Variants in ATAD3B observed in about 807,000 individuals in gnomAD.
ATAD3B encodes the protein ATPase family AAA domain containing 3B, also known as ATPase family AAA domain-containing protein 3B.
ATAD3B carries 59 observed loss-of-function variants against 70.2 expected under a neutral mutation model. The observed-to-expected ratio is 0.84, with a 90% CI of 0.68 to 1.04. The LOEUF is 1.04. ATAD3B is among the 50% of genes least tolerant of loss of function. The probability of loss-of-function intolerance (pLI) is 0.00; values close to 1 mark genes in which losing one functional copy is unlikely to be tolerated. For missense variants in ATAD3B, 961 were observed against 913.4 expected (o/e 1.05, Z -0.67); for synonymous variants, 423 against 388.6 (o/e 1.09, Z -1.04).
rs888527035 is a variant in ATAD3B, at chr1:1,495,893, A to C, written c.*76A>C. 2.0e-6 allele frequency: 3 copies of C among 1,474,892 alleles called. No individual in the cohort carries two copies. The highest frequency in any genetic ancestry group is 2.7e-6 in the Non-Finnish European group (3 of 1,118,090). The allele number at this position is 1,474,892 out of a possible 1,614,324, so 91.4% of individuals were successfully genotyped here. ...GGGAGATGCATTTTCCGTCTGGCTC[A>C]CAGGGGGAGGGTGAGGCTTTGTACC... On this transcript the variant is annotated 3_prime_UTR_variant, in exon 16 of 16. Transcript: ENST00000673477.
At chr1:1,481,735 G>A (rs1306541778) in intron 5 of ATAD3B, among the ~76,000 whole-genome samples, 2 of 150,598 alleles carry the variant, frequency 1.3e-5, no homozygotes, top group Admixed American at 6.6e-5. Flanking sequence ...CAAAGAGCTC[G>A]TCCTGAGAAG....
the ATAD3B span, among the ~76,000 whole-genome samples, chr1:1,506,247 TAA>T: frequency 5.5e-3 from 826 of 150,976 alleles, 37 homozygotes; most frequent in East Asian, 0.12. Context: ...AAAAATAAAA[TAA>T]GTTTTTTTTT....
rs201136045 is a variant in ATAD3B, at chr1:1,490,357, G to T, written c.1438G>T (p.Glu480Ter). Reference protein sequence around the residue: ...MVHFDLPQQEERERLVRLHFD... With the variant: ...MVHFDLPQQE Reference sequence around the variant, plus strand: ...CCACTTCGACCTGCCGCAGCAGGAGGAGCGGGAGCGCCTGGTGAGACTGCA... The same window carrying T: ...CCACTTCGACCTGCCGCAGCAGGAGTAGCGGGAGCGCCTGGTGAGACTGCA... The change falls in exon 14 of 16, where the codon GAG becomes TAG. Residue 480 changes from glutamate (E) to a stop codon, truncating the protein, a stop_gained. Coordinates refer to ENST00000673477, the MANE Select transcript of ATAD3B (RefSeq NM_031921.6). LOFTEE classifies it high-confidence loss of function. 5 of 1,613,438 alleles carry T rather than the reference G, an allele frequency of 3.1e-6. No homozygotes were observed. The East Asian group carries it at 1.1e-4, about 36-fold the overall frequency.
chr1:1,482,734 A>G, intron 7 of ATAD3B, 120 bp downstream of exon 7: 2 of 1,518,924 alleles, frequency 1.3e-6, no homozygotes, highest in Non-Finnish European at 1.8e-6. Context: ...CCCAGCACAG[A>G]GCAAACCCAC....
chr1:1,481,647 C>T (rs1260777088), intron 5 of ATAD3B, among the ~76,000 whole-genome samples: 21 of 134,048 alleles, frequency 1.6e-4, no homozygotes, highest in African/African-American at 4.3e-4. Flanking sequence ...TGGCACGTCA[C>T]GCGTGTCTGA....
chr1:1,482,240 T>C lies in ATAD3B; in HGVS notation c.617T>C (p.Ile206Thr), dbSNP rs1246437468. ...AAGGCCGAGCGGGAGAATGCAGACA[T>C]CATCCGCGAGCAGATCCGCCTGAAG... The part of the protein sequence containing the change: ...RAKAERENAD[I>T]IREQIRLKAS... Residue 206 changes from isoleucine (I) to threonine (T), a missense_variant, in exon 6 of 16, where the codon ATC becomes ACC. By Grantham distance (89) the Ile-to-Thr change is moderately conservative. Transcript: ENST00000673477. 1 of 1,611,366 alleles carries C rather than the reference T, an allele frequency of 6.2e-7. No homozygotes were observed. Among genetic ancestry groups the C allele is most frequent in the Non-Finnish European group, 8.5e-7 (1 of 1,179,346 alleles).
At chr1:1,479,938 A>G (rs1570214930) in intron 4 of ATAD3B, among the ~76,000 whole-genome samples, 1 of 138,902 alleles carries the variant, frequency 7.2e-6, no homozygotes, top group Non-Finnish European at 1.5e-5. Flanking sequence ...ATGCACAAAC[A>G]CCCACCTGCA....
rs150684719 is a variant in ATAD3B at position 1,490,612 on chromosome 1, G to A, written c.1555G>A (p.Ala519Thr). Reference protein sequence around the residue: ...FDYGRKCSEVARLTEGMSGRE... With the variant: ...FDYGRKCSEVTRLTEGMSGRE... ...CTACGGGAGGAAGTGCTCGGAGGTC[G>A]CTCGGCTGACGGAGGGCATGTCGGG... Residue 519 changes from alanine (A) to threonine (T), a missense_variant, in exon 15 of 16, where the codon GCT becomes ACT. Around this residue, in one of 4 missense-constraint regions of ATAD3B, gnomAD observed 417 missense variants for 335.0 expected, o/e 1.24. Transcript: ENST00000673477. The A allele has an allele frequency of 4.8e-5, 78 of 1,608,334 alleles. No individual in the cohort carries two copies. In the African/African-American group the frequency reaches 6.0e-4, roughly 12 times the overall value.
In ATAD3B at chr1:1,490,253, A is replaced by G; in HGVS notation, c.1338-4A>G. ...GCGTTTCCTTCCCCATCCCTGTCCT[A>G]CAGATTCATGCTGGTCCTGGCCAGC... On this transcript the variant is annotated splice_region_variant and splice_polypyrimidine_tract_variant and intron_variant, in intron 13 of 15. Coordinates refer to ENST00000673477, the MANE Select transcript of ATAD3B (RefSeq NM_031921.6). The G allele has an allele frequency of 2.5e-6, 4 of 1,611,292 alleles. No individual in the cohort carries two copies. The highest frequency in any genetic ancestry group is 1.7e-5 in the Admixed American group (1 of 59,966).
chr1:1,490,278 CA>C lies in ATAD3B; in HGVS notation c.1361del (p.Asn454IlefsTer16). 1 of 1,612,922 alleles carries C rather than the reference CA, an allele frequency of 6.2e-7. No individual in the cohort carries two copies. The highest frequency in any genetic ancestry group is 1.1e-5 in the South Asian group (1 of 91,026). ...SNKFMLVLAS[N>X]LPEQFDCAIN... is the part of the protein sequence containing the mutation. ...ACAGATTCATGCTGGTCCTGGCCAG[CA>C]ATCTGCCTGAGCAGTTCGACTGTGC... On this transcript the variant is annotated frameshift_variant, in exon 14 of 16. Coordinates refer to ENST00000673477, the MANE Select transcript of ATAD3B (RefSeq NM_031921.6). LOFTEE classifies it high-confidence loss of function.
At chr1:1,473,026 T>G (rs563839633) in intron 1 of ATAD3B, among the ~76,000 whole-genome samples, 2 of 151,014 alleles carry the variant, frequency 1.3e-5, no homozygotes, top group African/African-American at 4.9e-5. Flanking sequence ...GGTTTCACCA[T>G]GTTGGCCAGG....
In ATAD3B at chr1:1,496,305, T is replaced by A. The variant is rs552025494; in HGVS notation, c.*488T>A. Reference sequence around the variant, plus strand: ...ATAAGAGGCAGAGGCTGGAGCTTTCTGGAGAATTTACTGATCACAGAGCGG... The same window carrying A: ...ATAAGAGGCAGAGGCTGGAGCTTTCAGGAGAATTTACTGATCACAGAGCGG... On this transcript the variant is annotated 3_prime_UTR_variant, in exon 16 of 16. Transcript: ENST00000673477. 2 of 930,058 alleles carry A rather than the reference T, an allele frequency of 2.2e-6. No homozygotes were observed. Among genetic ancestry groups the A allele is most frequent in the African/African-American group, 1.8e-5 (1 of 56,382 alleles). 57.6% of individuals were successfully genotyped at this position (930,058 alleles called of 1,614,324 possible).
At chr1:1,485,356 C>T (rs1436349383) in intron 8 of ATAD3B, among the ~76,000 whole-genome samples, 185 bp downstream of exon 8, 1 of 152,092 alleles carries the variant, frequency 6.6e-6, no homozygotes, top group African/African-American at 2.4e-5. Flanking sequence ...TCAGTGAGAC[C>T]CTTCCCCTGT....
At chr1:1,489,598 G>GT (rs1640419782) in intron 13 of ATAD3B, 4 of 1,213,708 alleles carry the variant, frequency 3.3e-6, no homozygotes, top group Non-Finnish European at 4.5e-6. Flanking sequence ...CCGCCCAGAG[G>GT]TCCCCAGTAG....
At chr1:1,506,676 A>G in the ATAD3B span, among the ~76,000 whole-genome samples, 1 of 151,612 alleles carries the variant, frequency 6.6e-6, no homozygotes, top group African/African-American at 2.4e-5. Context: ...CAGATTATTC[A>G]TTGTTAGTAT....
chr1:1,475,479 T>C (rs1639544304), intron 1 of ATAD3B, among the ~76,000 whole-genome samples: 1 of 151,852 alleles, frequency 6.6e-6, no homozygotes. Context: ...CGCCCGTTGC[T>C]TTGTCCTTGC....
chr1:1,501,684 C>G (rs1394215829), downstream of ATAD3B, among the ~76,000 whole-genome samples: 1 of 152,100 alleles, frequency 6.6e-6, no homozygotes. Context: ...AGCCACAGAG[C>G]CTGGCCTCTA....
chr1:1,498,267 C>T (rs372315994), downstream of ATAD3B, among the ~76,000 whole-genome samples: 669 of 152,108 alleles, frequency 4.4e-3, 9 homozygotes, highest in African/African-American at 0.015. Context: ...CCCGCCATTG[C>T]ACTCCAGCCT....
chr1:1,486,103 C>T lies in ATAD3B; in HGVS notation c.964-7C>T, dbSNP rs761581768. On this transcript the variant is annotated splice_region_variant and splice_polypyrimidine_tract_variant and intron_variant, in intron 9 of 15. Coordinates refer to ENST00000673477, the MANE Select transcript of ATAD3B (RefSeq NM_031921.6). The stretch of plus-strand genomic sequence containing the variant: ...TGTCTCCCCCAAACCCCCGTCTTCC[C>T]CGGCAGCCCAGCCTGGAAGCACGGG... 5.6e-6 allele frequency: 9 copies of T among 1,612,892 alleles called. No individual in the cohort carries two copies. The South Asian group carries it at 7.7e-5, about 14-fold the overall frequency.
Sources: gnomAD v4.1 joint callset for allele counts (sites outside exome capture counted in the v4.1 genomes callset) on GRCh38, gnomAD v4.1.1 for gene constraint, gnomAD v4.1.1 regional missense constraint, MANE v1.5 for transcripts, NCBI Gene and HGNC (gene_info 2026-07-23, HGNC 2026-07-21) for gene names.